The following RORA variants were observed in gnomAD, a reference collection of about 807,000 sequenced individuals.
RORA encodes nuclear receptor ROR-alpha.
Under a neutral mutation model 69.5 loss-of-function variants are expected in RORA, and 7 were observed. That is an observed-to-expected ratio of 0.10 (90% CI 0.06 to 0.19). The LOEUF is 0.19. Ranked by LOEUF, RORA falls within the 10% of genes least tolerant of loss-of-function variation. The pLI is 1.00. For missense variants in RORA, 457 were observed against 663.0 expected (o/e 0.69, Z 3.41); for synonymous variants, 261 against 240.8 (o/e 1.08, Z -0.78).
intron 1 of RORA, among the ~76,000 whole-genome samples, chr15:60,777,549 CCTA>C (rs1191343173): frequency 2.0e-5 from 3 of 152,166 alleles, no homozygotes; most frequent in Non-Finnish European, 2.9e-5. Context: ...GCTAAAATAG[CCTA>C]CTACCTAAAT....
intron 2 of RORA, among the ~76,000 whole-genome samples, chr15:60,565,299 T>C (rs2140435042): frequency 6.6e-6 from 1 of 152,348 alleles, no homozygotes; most frequent in Middle Eastern, 3.4e-3. Flanking sequence ...TCAAGTACCA[T>C]TGCTATTCAG....
intron 2 of RORA, among the ~76,000 whole-genome samples, chr15:60,639,825 G>C (rs754266484): frequency 4.6e-5 from 7 of 152,100 alleles, no homozygotes; most frequent in Non-Finnish European, 8.8e-5. Context: ...TCCTTGTTTT[G>C]GTTAAATATA....
chr15:60,686,014 A>G (rs2070741935), intron 1 of RORA, among the ~76,000 whole-genome samples: 2 of 152,302 alleles, frequency 1.3e-5, no homozygotes, highest in Admixed American at 1.3e-4. Flanking sequence ...TTAGTTTGAA[A>G]AATGGTTATG....
chr15:61,049,670 T>A (rs1897209610), intron 1 of RORA, among the ~76,000 whole-genome samples: 1 of 152,180 alleles, frequency 6.6e-6, no homozygotes, highest in African/African-American at 2.4e-5. Context: ...TTTTCTTTTT[T>A]TCTTTCTGAG....
At chr15:60,958,499 T>C (rs976072854) in intron 1 of RORA, among the ~76,000 whole-genome samples, 2 of 152,168 alleles carry the variant, frequency 1.3e-5, no homozygotes, top group East Asian at 3.8e-4. Flanking sequence ...TGTATATTAA[T>C]TGCCTAGCGT....
chr15:60,651,616 C>T lies in RORA; in HGVS notation c.196+27041G>A, dbSNP rs145334219. ...CAAGCTACATCCCTTTACCCAACCG[C>T]CCTTCCCCCATAACATCAATACCAA... On this transcript the variant is annotated intron_variant, in intron 2 of 10. Transcript: ENST00000335670. Among the ~76,000 whole-genome samples the T allele has an allele frequency of 2.5e-3, 384 of 152,258 alleles. 3 individuals carry two copies. Among genetic ancestry groups the T allele is most frequent in the African/African-American group, 8.8e-3 (365 of 41,562 alleles).
chr15:60,762,015 T>C (rs572936536), intron 1 of RORA, among the ~76,000 whole-genome samples: 1 of 152,020 alleles, frequency 6.6e-6, no homozygotes, highest in East Asian at 1.9e-4. Flanking sequence ...TCTGCAAGAA[T>C]TTTATCTTTA....
At chr15:60,565,371 G>A (rs553082146) in intron 2 of RORA, among the ~76,000 whole-genome samples, 2 of 152,322 alleles carry the variant, frequency 1.3e-5, no homozygotes, top group East Asian at 3.9e-4. Context: ...CTCACAGTGT[G>A]CACATTATAT....
chr15:61,191,243 C>T (rs1309637916), intron 1 of RORA, among the ~76,000 whole-genome samples: 1 of 152,036 alleles, frequency 6.6e-6, no homozygotes, highest in East Asian at 1.9e-4. Flanking sequence ...GGAAACACTA[C>T]ACATGAAGCC....
At chr15:60,877,844 T>A (rs1247639150) in intron 1 of RORA, among the ~76,000 whole-genome samples, 1 of 152,176 alleles carries the variant, frequency 6.6e-6, no homozygotes, top group East Asian at 1.9e-4. Flanking sequence ...TTTCTTCCCT[T>A]TGCAGAAAAT....
intron 1 of RORA, among the ~76,000 whole-genome samples, chr15:61,192,247 T>C (rs1330105815): frequency 2.6e-5 from 4 of 152,276 alleles, no homozygotes; most frequent in African/African-American, 9.6e-5. Flanking sequence ...CGCTATAAAA[T>C]AGTCATTCTG....
chr15:60,750,707 T>C (rs565483439), intron 1 of RORA, among the ~76,000 whole-genome samples: 2 of 152,306 alleles, frequency 1.3e-5, no homozygotes, highest in South Asian at 4.2e-4. Flanking sequence ...GTGATCAGCA[T>C]GTAGAAAACA....
chr15:60,678,731 T>C (rs764097590), intron 1 of RORA, 45 bp from the exon 2 acceptor site: 1 of 1,534,462 alleles, frequency 6.5e-7, no homozygotes, highest in Non-Finnish European at 9.0e-7. Flanking sequence ...GTGCCCTGTG[T>C]GTGCTGCTTT....
intron 1 of RORA, chr15:60,848,684 T>C (rs968060148): frequency 4.5e-5 from 7 of 153,864 alleles, no homozygotes; most frequent in African/African-American, 1.4e-4. Flanking sequence ...CTTACGATCA[T>C]GGCAAAAGGT....
chr15:60,840,349 T>C (rs1041587869), intron 1 of RORA, among the ~76,000 whole-genome samples: 11 of 152,206 alleles, frequency 7.2e-5, no homozygotes, highest in Admixed American at 6.5e-5. Flanking sequence ...CTGGTGGAGA[T>C]TGAGAGCTCA....
In RORA at chr15:60,488,811, CAG is replaced by C. The variant is rs2064994672; in HGVS notation, c.*8642_*8643del. 1 of 152,184 alleles carries C rather than the reference CAG, an allele frequency of 6.6e-6. No homozygotes were observed. Among genetic ancestry groups the C allele is most frequent in the South Asian group, 2.1e-4 (1 of 4,836 alleles). The allele number at this position is 152,184 out of a possible 1,614,324, so 9.4% of individuals were successfully genotyped here. A position where few individuals can be genotyped will look rare whatever the true frequency, so the allele number is the denominator to read the frequency against. ...AGAAGGCTGAGTTTGTTTACTCAAA[CAG>C]AAGTTTGTGAAATTTGTGTGCTTAA... On this transcript the variant is annotated 3_prime_UTR_variant, in exon 11 of 11. Coordinates refer to ENST00000335670, the MANE Select transcript of RORA (RefSeq NM_134261.3).
intron 1 of RORA, among the ~76,000 whole-genome samples, chr15:60,824,447 TAA>T (rs3053880): frequency 0.19 from 28,333 of 145,308 alleles, 3,237 homozygotes; most frequent in Non-Finnish European, 0.26. Context: ...CTTCCCTTAT[TAA>T]AAAAAAAAAA....
intron 1 of RORA, among the ~76,000 whole-genome samples, chr15:61,180,143 C>CAAAAAAAA (rs71456351): frequency 3.5e-4 from 13 of 36,668 alleles, no homozygotes; most frequent in Non-Finnish European, 4.8e-4. Context: ...GACTCCATCT[C>CAAAAAAAA]AAAAAAAAAA....
intron 1 of RORA, among the ~76,000 whole-genome samples, chr15:61,123,271 A>T (rs1436023929): frequency 6.6e-6 from 1 of 152,144 alleles, no homozygotes; most frequent in Non-Finnish European, 1.5e-5. Flanking sequence ...CCAGAGGCTG[A>T]GTTAACTGCC....
Sources: gnomAD v4.1 joint callset for allele counts (sites outside exome capture counted in the v4.1 genomes callset) on GRCh38, gnomAD v4.1.1 for gene constraint, MANE v1.5 for transcripts, NCBI Gene and HGNC (gene_info 2026-07-23, HGNC 2026-07-21) for gene names.